Variants in CNGB1 observed in about 807,000 individuals in gnomAD.
CNGB1 encodes cyclic nucleotide-gated channel beta-1.
A neutral mutation model predicts 151.7 loss-of-function variants in CNGB1; 126 were observed. The observed-to-expected ratio is 0.83, with a 90% CI of 0.72 to 0.96. CNGB1 has a LOEUF of 0.96. CNGB1 is among the 40% of genes least tolerant of loss of function. The probability of loss-of-function intolerance (pLI) is 0.00; values close to 1 mark genes in which losing one functional copy is unlikely to be tolerated. For synonymous variants in CNGB1, 623 were observed against 635.1 expected (o/e 0.98, Z 0.29); for missense variants, 1,698 against 1,627.0 (o/e 1.04, Z -0.75).
At chr16:57,952,840 G>A (rs1322819449) in intron 12 of CNGB1, among the ~76,000 whole-genome samples, 1 of 152,114 alleles carries the variant, frequency 6.6e-6, no homozygotes, top group East Asian at 1.9e-4. Flanking sequence ...CCTGCAAGAT[G>A]TGTCCTATAC....
chr16:57,922,839 C>T lies in CNGB1; in HGVS notation c.1643+434G>A, dbSNP rs73545150. ...CCTACTGTCTGCAGCTCTGATCCAG[C>T]GCAGCCAGGTAGGGCCAGGGAATCT... is the stretch of plus-strand genomic sequence containing the variant. On this transcript the variant is annotated intron_variant, in intron 18 of 32. Coordinates refer to ENST00000251102, the MANE Select transcript of CNGB1 (RefSeq NM_001297.5). Among the ~76,000 whole-genome samples, 412 of 152,046 alleles carry T rather than the reference C, an allele frequency of 2.7e-3. 1 individual carries two copies. Among genetic ancestry groups the T allele is most frequent in the African/African-American group, 9.3e-3 (384 of 41,404 alleles).
At chr16:57,965,741 C>T (rs1418309741) in intron 2 of CNGB1, among the ~76,000 whole-genome samples, 1 of 152,164 alleles carries the variant, frequency 6.6e-6, no homozygotes, top group Non-Finnish European at 1.5e-5. Flanking sequence ...GACACATACA[C>T]ACACATACAC....
intron 10 of CNGB1, 53 bp downstream of exon 10, chr16:57,959,835 C>A: frequency 6.9e-7 from 1 of 1,440,730 alleles, no homozygotes; most frequent in Non-Finnish European, 9.2e-7. Context: ...TAGGCGGGGA[C>A]AAGGTGCTCA....
chr16:57,947,803 C>A (rs574625416), intron 14 of CNGB1, among the ~76,000 whole-genome samples: 236 of 152,296 alleles, frequency 1.5e-3, no homozygotes, highest in Middle Eastern at 6.8e-3. Context: ...ATCGATGGGG[C>A]ACTTACTCCC....
intron 16 of CNGB1, among the ~76,000 whole-genome samples, chr16:57,938,725 A>G (rs1340994780): frequency 1.3e-5 from 2 of 152,184 alleles, no homozygotes; most frequent in South Asian, 2.1e-4. Flanking sequence ...GAGCGGCTGA[A>G]GACCCATTGC....
chr16:57,897,697 G>T, intron 30 of CNGB1, 99 bp downstream of exon 30: 1 of 1,520,220 alleles, frequency 6.6e-7, no homozygotes, highest in Non-Finnish European at 9.1e-7. Context: ...AGGTGCCAGT[G>T]CTGCATCTAC....
chr16:57,914,727 A>C (rs1171106858), intron 23 of CNGB1, among the ~76,000 whole-genome samples: 1 of 152,156 alleles, frequency 6.6e-6, no homozygotes, highest in Non-Finnish European at 1.5e-5. Context: ...CTGGAATGAC[A>C]CTGAGGCCTG....
intron 31 of CNGB1, among the ~76,000 whole-genome samples, chr16:57,894,318 G>A (rs1415126954): frequency 6.6e-6 from 1 of 152,102 alleles, no homozygotes; most frequent in Non-Finnish European, 1.5e-5. Flanking sequence ...GAAAATGTTT[G>A]GGCTGGGTGT....
intron 32 of CNGB1, among the ~76,000 whole-genome samples, chr16:57,886,772 G>A (rs1280944010): frequency 6.6e-6 from 1 of 152,202 alleles, no homozygotes; most frequent in Non-Finnish European, 1.5e-5. Context: ...CTTGGCTTTG[G>A]TCACAGAAAA....
chr16:57,960,148 G>A (rs182967658), intron 9 of CNGB1, 83 bp from the exon 10 acceptor site: 24 of 1,524,106 alleles, frequency 1.6e-5, no homozygotes, highest in African/African-American at 1.4e-4. Context: ...GGCCAGATTC[G>A]AGTCGCTAAC....
In CNGB1 at chr16:57,883,889, A is replaced by C; in HGVS notation, c.*275T>G. 3.5e-6 allele frequency: 2 copies of C among 564,056 alleles called. No individual in the cohort carries two copies. The highest frequency in any genetic ancestry group is 6.3e-6 in the Non-Finnish European group (2 of 316,064). 34.9% of individuals were successfully genotyped at this position (564,056 alleles called of 1,614,324 possible). On this transcript the variant is annotated 3_prime_UTR_variant, in exon 33 of 33. Transcript: ENST00000251102. ...AATCATTTTGTTCTTAAAAAGAGGA[A>C]CAGTCAGGAAAAGGTAGGGCTCTCA...
chr16:57,902,641 G>A (rs1445875866), intron 27 of CNGB1, among the ~76,000 whole-genome samples: 1 of 150,684 alleles, frequency 6.6e-6, no homozygotes, highest in African/African-American at 2.4e-5. Context: ...GTCTTGTTCT[G>A]TCACTCAGGC....
chr16:57,964,644 A>G (rs1171917654), intron 2 of CNGB1, 100 bp from the exon 3 acceptor site: 19 of 1,125,950 alleles, frequency 1.7e-5, no homozygotes, highest in African/African-American at 1.5e-4. Flanking sequence ...GCCCCACAAA[A>G]GACCTGAACG....
chr16:57,920,144 A>G (rs1239960418), intron 19 of CNGB1, among the ~76,000 whole-genome samples: 4 of 152,218 alleles, frequency 2.6e-5, no homozygotes, highest in Non-Finnish European at 5.9e-5. Context: ...CAAGGAAGGC[A>G]CTTGCCCCAT....
At position 57,904,843 on chromosome 16, in the gene CNGB1, G is replaced by T; in HGVS notation, c.2525C>A (p.Thr842Asn). The T allele has an allele frequency of 6.2e-7, 1 of 1,614,178 alleles. No individual in the cohort carries two copies. Among genetic ancestry groups the T allele is most frequent in the Admixed American group, 1.7e-5 (1 of 60,018 alleles). Reference sequence around the variant, plus strand: ...AGGCAGCCCCCCGATGGTGATGAGGGTCTTCACAGCAAAGTAGTAACAGCG... The same window carrying T: ...AGGCAGCCCCCCGATGGTGATGAGGTTCTTCACAGCAAAGTAGTAACAGCG... ...YIRCYYFAVK[T>N]LITIGGLPDP... The change falls in exon 26 of 33, where the codon ACC (threonine) becomes AAC (asparagine). Residue 842 changes from threonine to asparagine, a missense_variant. Physicochemically the swap from Thr to Asn is moderately conservative, Grantham distance 65. Transcript: ENST00000251102.
intron 12 of CNGB1, among the ~76,000 whole-genome samples, chr16:57,954,286 C>A (rs1962031519): frequency 6.6e-6 from 1 of 152,190 alleles, no homozygotes; most frequent in African/African-American, 2.4e-5. Flanking sequence ...AAGGCCTGCC[C>A]AGCCAGGGTG....
At position 57,897,406 on chromosome 16, in the gene CNGB1, T is replaced by G. The variant is rs1567365540; in HGVS notation, c.3233A>C (p.Lys1078Thr). Residue 1078 changes from lysine to threonine, a missense_variant, in exon 31 of 33, where the codon AAG (lysine) becomes ACG (threonine). Transcript: ENST00000251102. ...HYPESQKLLRKKARRMLRSNN... is the reference protein window; with the variant it reads ...HYPESQKLLRTKARRMLRSNN... ...AAGAAAAGTTACATACCTGGCTTTC[T>G]TCCGGAGTAACTTCTGAGACTCAGG... The G allele has an allele frequency of 6.2e-7, 1 of 1,614,218 alleles. No individual in the cohort carries two copies. Among genetic ancestry groups the G allele is most frequent in the Admixed American group, 1.7e-5 (1 of 60,028 alleles).
intron 17 of CNGB1, among the ~76,000 whole-genome samples, chr16:57,927,972 C>T (rs1596986975): frequency 6.6e-6 from 1 of 152,246 alleles, no homozygotes; most frequent in African/African-American, 2.4e-5. Context: ...CAGTTTGCTA[C>T]ACCTAGCCAT....
intron 14 of CNGB1, among the ~76,000 whole-genome samples, chr16:57,945,203 T>C (rs755403458): frequency 6.6e-6 from 1 of 152,180 alleles, no homozygotes; most frequent in Non-Finnish European, 1.5e-5. Context: ...TCTGTTTCAC[T>C]GCCTGCCTCT....
Sources: allele counts gnomAD v4.1 joint callset (sites outside exome capture counted in the v4.1 genomes callset), GRCh38; gene constraint gnomAD v4.1.1; transcripts MANE v1.5; gene names NCBI Gene and HGNC (gene_info 2026-07-23, HGNC 2026-07-21).